The following HRH4 variants were observed in gnomAD, a reference collection of about 807,000 sequenced individuals.
HRH4 encodes histamine receptor H4.
Under a neutral mutation model 10.4 loss-of-function variants are expected in HRH4, and 12 were observed. The observed-to-expected ratio is 1.15, with a 90% CI of 0.74 to 1.87. The LOEUF is 1.87. Ranked by LOEUF, HRH4 falls within the 40% of genes most tolerant of loss-of-function variation. The pLI is 0.00. For missense variants in HRH4, 415 were observed against 453.3 expected (o/e 0.92, Z 0.77); for synonymous variants, 154 against 166.6 (o/e 0.92, Z 0.58).
rs142923656 is a variant in HRH4, at chr18:24,462,492, G to A, written c.193+1571G>A. On this transcript the variant is annotated intron_variant, in intron 1 of 2. Transcript: ENST00000256906. ...ATGCAGTTAGGACCTGAGCTAGGATGATTGGAAAGGAAGGCCAACAGGCAG... is the reference window on the plus strand; with the variant it reads ...ATGCAGTTAGGACCTGAGCTAGGATAATTGGAAAGGAAGGCCAACAGGCAG... Among the ~76,000 whole-genome samples the A allele has an allele frequency of 3.1e-3, 476 of 152,286 alleles. 3 individuals carry two copies. The highest frequency in any genetic ancestry group is 0.011 in the African/African-American group (460 of 41,572).
chr18:24,467,208 G>T (rs998571808), intron 1 of HRH4, among the ~76,000 whole-genome samples: 1 of 152,164 alleles, frequency 6.6e-6, no homozygotes, highest in Non-Finnish European at 1.5e-5. Context: ...ACAGCACAGG[G>T]TCTGCCATAT....
chr18:24,463,353 C>T (rs1322075308), intron 1 of HRH4, among the ~76,000 whole-genome samples: 3 of 152,208 alleles, frequency 2.0e-5, no homozygotes, highest in Non-Finnish European at 4.4e-5. Context: ...TCTCCCCTGC[C>T]TCCTGCCAGC....
At chr18:24,471,078 T>C (rs914852806) in intron 2 of HRH4, among the ~76,000 whole-genome samples, 1 of 151,774 alleles carries the variant, frequency 6.6e-6, no homozygotes, top group Non-Finnish European at 1.5e-5. Context: ...GAGGTGAGAA[T>C]GGATGTGGGA....
At chr18:24,474,905 C>T (rs529793588) in intron 2 of HRH4, among the ~76,000 whole-genome samples, 38 of 152,004 alleles carry the variant, frequency 2.5e-4, no homozygotes, top group African/African-American at 7.0e-4. Context: ...AGGCTGGTCT[C>T]GATCTCCTGG....
intron 2 of HRH4, among the ~76,000 whole-genome samples, chr18:24,471,861 A>G (rs1056932829): frequency 6.6e-6 from 1 of 152,058 alleles, no homozygotes; most frequent in East Asian, 1.9e-4. Context: ...ATTTCTTTTT[A>G]ATCTCCACTG....
intron 2 of HRH4, among the ~76,000 whole-genome samples, chr18:24,471,559 A>T (rs1457249471): frequency 8.0e-6 from 1 of 124,226 alleles, no homozygotes; most frequent in Non-Finnish European, 1.6e-5. Context: ...GTGAGCTGAG[A>T]TTGCACCATT....
In HRH4 at chr18:24,467,601, T is replaced by A. The variant is rs144353818; in HGVS notation, c.194-1187T>A. ...CTCTGTCACCCAGGATGGAGTGCAG[T>A]GGCCCCATCTCAGTTCACTGCAACC... On this transcript the variant is annotated intron_variant, in intron 1 of 2. Coordinates refer to ENST00000256906, the MANE Select transcript of HRH4 (RefSeq NM_021624.4). 7.6e-3 allele frequency among the ~76,000 whole-genome samples: 1,152 copies of A among 152,326 alleles called. 18 individuals carry two copies. Among genetic ancestry groups the A allele is most frequent in the African/African-American group, 0.026 (1,063 of 41,552 alleles).
intron 1 of HRH4, among the ~76,000 whole-genome samples, chr18:24,468,240 C>T (rs539153610): frequency 3.3e-5 from 5 of 152,104 alleles, no homozygotes; most frequent in Non-Finnish European, 7.4e-5. Flanking sequence ...TGGGGTTTCA[C>T]CATGTTGCCC....
rs1432937492 is a variant in HRH4, at chr18:24,477,032, G to A, written c.643G>A (p.Gly215Arg). 1.2e-6 allele frequency: 2 copies of A among 1,614,058 alleles called. No homozygotes were observed. Among genetic ancestry groups the A allele is most frequent in the Admixed American group, 3.3e-5 (2 of 59,990 alleles). ...TCTCAGTAGGTGCCAAAGCCATCCT[G>A]GACTGACTGCTGTCTCTTCCAACAT... ...DHLSRCQSHP[G>R]LTAVSSNICG... Residue 215 changes from glycine (G) to arginine (R), a missense_variant, in exon 3 of 3, where the codon GGA (glycine) becomes AGA (arginine). By Grantham distance (125) the Gly-to-Arg change is moderately radical. Transcript: ENST00000256906.
chr18:24,476,622 G>A lies in HRH4; in HGVS notation c.358-125G>A, dbSNP rs552208416. ...CAAACCCTCTGTCCTGGTCCACATCGTGATACCCAGGTTAGTTAATGTCTC... is the reference window on the plus strand; with the variant it reads ...CAAACCCTCTGTCCTGGTCCACATCATGATACCCAGGTTAGTTAATGTCTC... On this transcript the variant is annotated intron_variant, in intron 2 of 2. Transcript: ENST00000256906. The A allele has an allele frequency of 2.5e-4, 176 of 709,594 alleles. No homozygotes were observed. In the Middle Eastern group the frequency reaches 2.8e-3, roughly 11 times the overall value. 44.0% of individuals were successfully genotyped at this position (709,594 alleles called of 1,614,324 possible).
intron 1 of HRH4, among the ~76,000 whole-genome samples, 166 bp from the exon 2 acceptor site, chr18:24,468,621 GA>G (rs1304941014): frequency 1.3e-5 from 2 of 152,198 alleles, no homozygotes; most frequent in Non-Finnish European, 2.9e-5. Context: ...GGAGTGTGTA[GA>G]AAATCAGTCC....
At chr18:24,469,495 G>A (rs1038362397) in intron 2 of HRH4, among the ~76,000 whole-genome samples, 10 of 152,136 alleles carry the variant, frequency 6.6e-5, no homozygotes, top group South Asian at 2.1e-4. Flanking sequence ...TCAAGATTTG[G>A]AATAGCCTCA....
intron 2 of HRH4, 36 bp downstream of exon 2, chr18:24,468,987 T>C: frequency 6.6e-7 from 1 of 1,522,080 alleles, no homozygotes; most frequent in South Asian, 1.3e-5. Context: ...CCTTAGAAGA[T>C]TATGTAAATG....
chr18:24,474,392 A>G (rs1377133996), intron 2 of HRH4, among the ~76,000 whole-genome samples: 2 of 152,180 alleles, frequency 1.3e-5, no homozygotes, highest in Non-Finnish European at 2.9e-5. Context: ...ACAGTTAAAA[A>G]GAAAACTTAG....
intron 2 of HRH4, among the ~76,000 whole-genome samples, chr18:24,474,721 T>C (rs1392854664): frequency 6.7e-6 from 1 of 148,868 alleles, no homozygotes; most frequent in Non-Finnish European, 1.5e-5. Context: ...AGAGTCTCAC[T>C]CTGTCACCAG....
At chr18:24,461,330 G>A (rs1452725570) in intron 1 of HRH4, among the ~76,000 whole-genome samples, 1 of 152,052 alleles carries the variant, frequency 6.6e-6, no homozygotes, top group Admixed American at 6.6e-5. Context: ...AGTAACCAGT[G>A]CAATCAGAAA....
Position 24,476,844 on chromosome 18 carries a change from T to C in HRH4, c.455T>C (p.Leu152Pro). The change falls in exon 3 of 3, where the codon CTA becomes CCA. Residue 152 changes from leucine (L) to proline (P), a missense_variant. Transcript: ENST00000256906. ...LAFLVNGPMILVSESWKDEGS... is the reference protein window; with the variant it reads ...LAFLVNGPMIPVSESWKDEGS... ...TTCTTAGTGAATGGGCCAATGATTC[T>C]AGTTTCAGAGTCTTGGAAGGATGAA... 1.9e-6 allele frequency: 3 copies of C among 1,614,236 alleles called. No homozygotes were observed. The highest frequency in any genetic ancestry group is 2.5e-6 in the Non-Finnish European group (3 of 1,180,022).
At chr18:24,468,427 T>A (rs2144371813) in intron 1 of HRH4, among the ~76,000 whole-genome samples, 1 of 152,318 alleles carries the variant, frequency 6.6e-6, no homozygotes, top group African/African-American at 2.4e-5. Context: ...TATACTGTAG[T>A]GTTTAGAGAA....
chr18:24,461,556 A>G (rs1418885746), intron 1 of HRH4, among the ~76,000 whole-genome samples: 1 of 152,136 alleles, frequency 6.6e-6, no homozygotes, highest in African/African-American at 2.4e-5. Flanking sequence ...TTATTTTTAA[A>G]CAATGCTTAT....
Sources: gnomAD v4.1 joint callset for allele counts (sites outside exome capture counted in the v4.1 genomes callset) on GRCh38, gnomAD v4.1.1 for gene constraint, MANE v1.5 for transcripts, NCBI Gene and HGNC (gene_info 2026-07-23, HGNC 2026-07-21) for gene names.